Variants in IL1RAPL1 observed in about 807,000 individuals in gnomAD.
IL1RAPL1 encodes interleukin-1 receptor accessory protein-like 1.
In IL1RAPL1, 3 loss-of-function variants were observed where a neutral mutation model predicts 48.4. The ratio of observed to expected loss-of-function variants is 0.06; its 90% CI spans 0.03 to 0.16. IL1RAPL1 has a LOEUF of 0.16. IL1RAPL1 is among the 10% of genes least tolerant of loss of function. The probability of loss-of-function intolerance (pLI) is 1.00; values close to 1 mark genes in which losing one functional copy is unlikely to be tolerated. For synonymous variants in IL1RAPL1, 185 were observed against 187.7 expected, an observed-to-expected ratio of 0.99 and a Z score of 0.12; for missense variants, 349 against 530.6, an observed-to-expected ratio of 0.66 and a Z score of 3.36.
At chrX:29,699,260 G>GT (rs1439899333) in intron 6 of IL1RAPL1, among the ~76,000 whole-genome samples, 2 of 112,168 alleles carry the variant, frequency 1.8e-5, no homozygotes, top group African/African-American at 6.5e-5. Context: ...TGGTTTAGTA[G>GT]TTTGTTTGTT....
chrX:29,332,653 ATTTTTT>A (rs1166480434), intron 3 of IL1RAPL1, among the ~76,000 whole-genome samples: 3,914 of 65,327 alleles, frequency 0.06, 156 homozygotes, highest in African/African-American at 0.15. Context: ...TATTTATTTT[ATTTTTT>A]TTTTTTTATT....
intron 2 of IL1RAPL1, among the ~76,000 whole-genome samples, chrX:28,873,632 C>T (rs1360474894): frequency 2.4e-4 from 24 of 101,760 alleles, no homozygotes; most frequent in Admixed American, 1.7e-3. Context: ...CCGGGGTTCA[C>T]GCCATTCTCC....
intron 5 of IL1RAPL1, among the ~76,000 whole-genome samples, chrX:29,415,277 T>C (rs1934199233): frequency 8.9e-6 from 1 of 112,075 alleles, no homozygotes; most frequent in Non-Finnish European, 1.9e-5. Flanking sequence ...GATACATTTC[T>C]TTATGGTTTA....
chrX:29,525,850 C>T (rs1935547733), intron 5 of IL1RAPL1, among the ~76,000 whole-genome samples: 1 of 111,950 alleles, frequency 8.9e-6, no homozygotes, highest in Admixed American at 9.5e-5. Flanking sequence ...ACTGCTAACC[C>T]ACACATGAAG....
At chrX:29,211,645 T>C (rs371040945) in intron 2 of IL1RAPL1, among the ~76,000 whole-genome samples, 4 of 111,104 alleles carry the variant, frequency 3.6e-5, no homozygotes, top group Non-Finnish European at 5.7e-5. Context: ...AAACATTCAA[T>C]TGGGAGTAGT....
chrX:29,288,671 T>C (rs905315329), intron 3 of IL1RAPL1, among the ~76,000 whole-genome samples: 2 of 112,594 alleles, frequency 1.8e-5, no homozygotes, highest in African/African-American at 6.5e-5. Flanking sequence ...TTTGGGAATA[T>C]GCCCAGTAAT....
intron 5 of IL1RAPL1, among the ~76,000 whole-genome samples, chrX:29,606,352 AG>A (rs1182276141): frequency 1.6e-5 from 1 of 63,751 alleles, no homozygotes; most frequent in Non-Finnish European, 3.0e-5. Context: ...TCCTCCTAAT[AG>A]GCAGACAATA....
intron 2 of IL1RAPL1, among the ~76,000 whole-genome samples, chrX:28,982,428 C>G (rs1364121689): frequency 3.6e-5 from 4 of 111,821 alleles, no homozygotes; most frequent in Non-Finnish European, 7.5e-5. Context: ...TGAGGATTAA[C>G]TGAGTCATTG....
chrX:29,315,418 G>A (rs1213773184), intron 3 of IL1RAPL1, among the ~76,000 whole-genome samples: 1 of 111,380 alleles, frequency 9.0e-6, no homozygotes, highest in African/African-American at 3.3e-5. Flanking sequence ...AGAAAAACAT[G>A]GAAAGACTTA....
intron 5 of IL1RAPL1, among the ~76,000 whole-genome samples, chrX:29,441,701 T>A (rs779477754): frequency 2.6e-3 from 297 of 112,197 alleles, no homozygotes; most frequent in Non-Finnish European, 4.8e-3. Flanking sequence ...ATTTCATAGT[T>A]AGCTGATGGC....
chrX:29,095,785 T>G (rs1412623186), intron 2 of IL1RAPL1, among the ~76,000 whole-genome samples: 2 of 110,197 alleles, frequency 1.8e-5, no homozygotes, highest in Non-Finnish European at 3.8e-5. Context: ...TTTTTTTTTT[T>G]TTACCATCTT....
intron 2 of IL1RAPL1, among the ~76,000 whole-genome samples, chrX:29,017,822 C>T (rs1330839025): frequency 9.0e-6 from 1 of 111,309 alleles, no homozygotes; most frequent in African/African-American, 3.3e-5. Context: ...GCAAGGATAG[C>T]GAGTATGTAG....
intron 5 of IL1RAPL1, among the ~76,000 whole-genome samples, chrX:29,545,113 G>A (rs980839291): frequency 1.8e-5 from 2 of 110,051 alleles, no homozygotes; most frequent in African/African-American, 6.6e-5. Flanking sequence ...AGAACTATGA[G>A]AAATTTCCAT....
rs546480721 is a variant in IL1RAPL1 at position 28,970,358 on chromosome X, C to CT, written c.82+180940dup. Among the ~76,000 whole-genome samples, 18 of 112,427 alleles carry CT rather than the reference C, an allele frequency of 1.6e-4. No homozygotes were observed. The South Asian group carries it at 3.6e-3, about 23-fold the overall frequency. ...TTCTAAACTATGTAAGCAAGCTTCACTTTTTTTATAAGGATTTAGAAATGA... is the reference window on the plus strand; with the variant it reads ...TTCTAAACTATGTAAGCAAGCTTCACTTTTTTTTATAAGGATTTAGAAATGA... On this transcript the variant is annotated intron_variant, in intron 2 of 10. Coordinates refer to ENST00000378993, the MANE Select transcript of IL1RAPL1 (RefSeq NM_014271.4).
intron 6 of IL1RAPL1, among the ~76,000 whole-genome samples, chrX:29,704,539 C>T (rs1371082873): frequency 2.7e-5 from 3 of 110,337 alleles, no homozygotes; most frequent in East Asian, 2.9e-4. Flanking sequence ...CATGGTGGCG[C>T]GTGACTGTAA....
At chrX:29,202,959 A>C (rs955677486) in intron 2 of IL1RAPL1, among the ~76,000 whole-genome samples, 2 of 111,360 alleles carry the variant, frequency 1.8e-5, no homozygotes, top group East Asian at 2.8e-4. Context: ...CCCCCATGAC[A>C]TGCAATTTAC....
intron 9 of IL1RAPL1, among the ~76,000 whole-genome samples, chrX:29,949,249 G>A (rs894149628): frequency 1.8e-5 from 2 of 110,779 alleles, no homozygotes; most frequent in Non-Finnish European, 3.8e-5. Context: ...TTTTTTATTT[G>A]TTAACGCCAC....
intron 3 of IL1RAPL1, among the ~76,000 whole-genome samples, chrX:29,328,513 T>A (rs778005481): frequency 9.0e-5 from 10 of 110,593 alleles, no homozygotes; most frequent in African/African-American, 2.9e-4. Flanking sequence ...TGACTACAAG[T>A]AAGAAATCCA....
chrX:29,142,617 C>G (rs1366004930), intron 2 of IL1RAPL1, among the ~76,000 whole-genome samples: 1 of 112,053 alleles, frequency 8.9e-6, no homozygotes, highest in Admixed American at 9.5e-5. Context: ...ATTATGGCAA[C>G]CTACCTGAAG....
Sources: allele counts gnomAD v4.1 joint callset (sites outside exome capture counted in the v4.1 genomes callset), GRCh38; gene constraint gnomAD v4.1.1; transcripts MANE v1.5; gene names NCBI Gene and HGNC (gene_info 2026-07-23, HGNC 2026-07-21).